Variants in GABRG3 observed in about 807,000 individuals in gnomAD.
GABRG3 encodes the protein gamma-aminobutyric acid type A receptor subunit gamma3, also known as gamma-aminobutyric acid receptor subunit gamma-3.
Under a neutral mutation model 48.8 loss-of-function variants are expected in GABRG3, and 25 were observed. That is an observed-to-expected ratio of 0.51 (90% CI 0.37 to 0.72). The LOEUF is 0.72. GABRG3 is among the 30% of genes least tolerant of loss of function. The pLI is 0.00. For synonymous variants in GABRG3, 227 were observed against 217.6 expected, an observed-to-expected ratio of 1.04 and a Z score of -0.38; for missense variants, 394 against 577.9, an observed-to-expected ratio of 0.68 and a Z score of 3.26.
chr15:27,318,578 C>A (rs1893312013), intron 3 of GABRG3, among the ~76,000 whole-genome samples: 1 of 152,158 alleles, frequency 6.6e-6, no homozygotes, highest in Non-Finnish European at 1.5e-5. Flanking sequence ...CCGATTGTGC[C>A]CAGGGAACAT....
At chr15:27,356,350 C>T (rs1196718090) in intron 5 of GABRG3, among the ~76,000 whole-genome samples, 1 of 152,102 alleles carries the variant, frequency 6.6e-6, no homozygotes, top group African/African-American at 2.4e-5. Context: ...TCAGTGATTC[C>T]AGGGATAAGC....
At position 27,203,229 on chromosome 15, in the gene GABRG3, T is replaced by C. The variant is rs529552973; in HGVS notation, c.271-123580T>C. Among the ~76,000 whole-genome samples, 9 of 152,286 alleles carry C rather than the reference T, an allele frequency of 5.9e-5. No homozygotes were observed. The South Asian group carries it at 1.9e-3, about 32-fold the overall frequency. On this transcript the variant is annotated intron_variant, in intron 3 of 9. Coordinates refer to ENST00000615808, the MANE Select transcript of GABRG3 (RefSeq NM_033223.5). Reference sequence around the variant, plus strand: ...ACCTTCAAGTAAGCCCCAGTGTATATTGTACCCTTCTTTGTGTCCATGTGT... The same window carrying C: ...ACCTTCAAGTAAGCCCCAGTGTATACTGTACCCTTCTTTGTGTCCATGTGT...
At chr15:27,018,627 T>A (rs1895822516) in intron 2 of GABRG3, among the ~76,000 whole-genome samples, 1 of 152,146 alleles carries the variant, frequency 6.6e-6, no homozygotes, top group African/African-American at 2.4e-5. Context: ...TTAATGGAAA[T>A]GGAATTAGCT....
At chr15:27,163,152 C>T (rs893826602) in intron 3 of GABRG3, among the ~76,000 whole-genome samples, 1 of 152,098 alleles carries the variant, frequency 6.6e-6, no homozygotes, top group African/African-American at 2.4e-5. Context: ...TGAAATACAC[C>T]TCTCACCATG....
At chr15:27,264,266 TAAAA>T (rs959890400) in intron 3 of GABRG3, among the ~76,000 whole-genome samples, 5 of 151,004 alleles carry the variant, frequency 3.3e-5, no homozygotes, top group African/African-American at 9.7e-5. Context: ...AAAATAAAAA[TAAAA>T]AAAAATCAAA....
At chr15:27,133,027 C>T (rs1897946797) in intron 3 of GABRG3, among the ~76,000 whole-genome samples, 2 of 151,860 alleles carry the variant, frequency 1.3e-5, no homozygotes, top group Admixed American at 1.3e-4. Flanking sequence ...AAGATATTTT[C>T]TAATTTCTCT....
intron 5 of GABRG3, among the ~76,000 whole-genome samples, chr15:27,440,471 A>G (rs756465821): frequency 6.6e-6 from 1 of 152,102 alleles, no homozygotes; most frequent in Non-Finnish European, 1.5e-5. Flanking sequence ...TAGCTTTCTC[A>G]TGGGCATTGG....
chr15:27,323,614 A>T (rs1318809536), intron 3 of GABRG3, among the ~76,000 whole-genome samples: 1 of 152,184 alleles, frequency 6.6e-6, no homozygotes, highest in Non-Finnish European at 1.5e-5. Flanking sequence ...TCCTGCCAGG[A>T]TGGAGGGAAG....
chr15:27,048,422 G>A (rs1007731318), intron 3 of GABRG3, among the ~76,000 whole-genome samples: 4 of 152,230 alleles, frequency 2.6e-5, no homozygotes, highest in African/African-American at 4.8e-5. Context: ...ATCTGGCCCC[G>A]GCAGCAGGAG....
At position 26,997,185 on chromosome 15, in the gene GABRG3, T is replaced by A. The variant is rs576481493; in HGVS notation, c.202+20035T>A. 5.0e-4 allele frequency among the ~76,000 whole-genome samples: 76 copies of A among 152,316 alleles called. 1 individual carries two copies. The South Asian group carries it at 0.016, about 32-fold the overall frequency. On this transcript the variant is annotated intron_variant, in intron 2 of 9. Coordinates refer to ENST00000615808, the MANE Select transcript of GABRG3 (RefSeq NM_033223.5). ...TATTTGGTTCCTCATATTATTTCTA[T>A]CTCTTTAATGATATTATCTGTTTCA...
intron 3 of GABRG3, among the ~76,000 whole-genome samples, chr15:27,060,956 T>G (rs965954063): frequency 1.3e-5 from 2 of 152,190 alleles, no homozygotes; most frequent in African/African-American, 4.8e-5. Context: ...TGCCACCAAA[T>G]ACTCTCTAGT....
At chr15:27,097,317 C>G (rs1010379638) in intron 3 of GABRG3, among the ~76,000 whole-genome samples, 2 of 151,954 alleles carry the variant, frequency 1.3e-5, no homozygotes, top group African/African-American at 4.8e-5. Flanking sequence ...CTCCTGGGGA[C>G]CCTGGGTACT....
intron 3 of GABRG3, among the ~76,000 whole-genome samples, chr15:27,313,660 T>G (rs1240991342): frequency 6.6e-6 from 1 of 151,676 alleles, no homozygotes; most frequent in African/African-American, 2.4e-5. Flanking sequence ...TGAAATGAAG[T>G]GACATCAGTA....
At chr15:27,403,259 T>C (rs139091490) in intron 5 of GABRG3, among the ~76,000 whole-genome samples, 5 of 151,810 alleles carry the variant, frequency 3.3e-5, no homozygotes, top group African/African-American at 1.2e-4. Context: ...GAAGCAGAAG[T>C]ACCTACCAAT....
intron 3 of GABRG3, among the ~76,000 whole-genome samples, chr15:27,159,988 T>C (rs771374167): frequency 1.1e-4 from 17 of 152,080 alleles, no homozygotes; most frequent in Non-Finnish European, 1.8e-4. Flanking sequence ...AGACTCAGAT[T>C]ACCCTCCCTC....
chr15:27,482,292 C>A (rs1319417516), intron 6 of GABRG3, among the ~76,000 whole-genome samples: 1 of 152,096 alleles, frequency 6.6e-6, no homozygotes, highest in African/African-American at 2.4e-5. Flanking sequence ...AAAAAAATTC[C>A]CATTTCATAC....
At chr15:26,995,529 C>G (rs79819442) in intron 2 of GABRG3, among the ~76,000 whole-genome samples, 7,837 of 146,010 alleles carry the variant, frequency 0.054, 275 homozygotes, top group East Asian at 0.18. Context: ...TCCTCTTTTT[C>G]TCGTTTAATA....
intron 5 of GABRG3, among the ~76,000 whole-genome samples, chr15:27,469,436 G>A (rs1889717536): frequency 6.6e-6 from 1 of 152,112 alleles, no homozygotes; most frequent in South Asian, 2.1e-4. Flanking sequence ...TGCCTCTTAG[G>A]TTCAAGCGAT....
chr15:27,458,496 A>G (rs1407274188), intron 5 of GABRG3, among the ~76,000 whole-genome samples: 2 of 152,184 alleles, frequency 1.3e-5, no homozygotes, highest in Non-Finnish European at 2.9e-5. Flanking sequence ...CCTGTTCACA[A>G]GCTCGTCAAG....
Sources: gnomAD v4.1 joint callset for allele counts (sites outside exome capture counted in the v4.1 genomes callset) on GRCh38, gnomAD v4.1.1 for gene constraint, MANE v1.5 for transcripts, NCBI Gene and HGNC (gene_info 2026-07-23, HGNC 2026-07-21) for gene names.